The following GLCCI1 variants were observed in gnomAD, a reference collection of about 807,000 sequenced individuals.
GLCCI1 encodes the protein glucocorticoid-induced transcript 1 protein.
A neutral mutation model predicts 52.2 loss-of-function variants in GLCCI1; 24 were observed. The ratio of observed to expected loss-of-function variants is 0.46; its 90% CI spans 0.33 to 0.65. GLCCI1 has a LOEUF of 0.65. Ranked by LOEUF, GLCCI1 falls within the 30% of genes least tolerant of loss-of-function variation. GLCCI1 has a pLI of 0.02. For missense variants in GLCCI1, 704 were observed against 701.5 expected, an observed-to-expected ratio of 1.00 and a Z score of -0.04; for synonymous variants, 310 against 276.5, an observed-to-expected ratio of 1.12 and a Z score of -1.20.
At chr7:8,008,303 T>G (rs1016040054) in intron 2 of GLCCI1, among the ~76,000 whole-genome samples, 1 of 151,386 alleles carries the variant, frequency 6.6e-6, no homozygotes, top group Non-Finnish European at 1.5e-5. Flanking sequence ...TTTTTTTTTT[T>G]GAGACAGGGT....
rs531755418 is a variant in GLCCI1 at position 7,969,761 on chromosome 7, G to A, written c.411G>A (p.Arg137=). The A allele has an allele frequency of 1.0e-5, 15 of 1,482,342 alleles. No homozygotes were observed. In the South Asian group the frequency reaches 1.6e-4, roughly 16 times the overall value. 91.8% of individuals were successfully genotyped at this position (1,482,342 alleles called of 1,614,324 possible). A position where few individuals can be genotyped will look rare whatever the true frequency, so the allele number is the denominator to read the frequency against. The part of the protein sequence containing the change: ...RPRRSPESHR[R]SSSPERRSPG... ...GACGGTCCCCAGAGAGCCACCGGAG[G>A]AGCAGCTCACCTGAGAGACGGAGCC... Residue 137 remains arginine (R), a synonymous_variant, in exon 1 of 8, where the codon AGG becomes AGA. Transcript: ENST00000223145. The surrounding 1 kb of genome is among the most constrained non-coding windows in gnomAD (Gnocchi z 4.9).
rs533014581 is a variant in GLCCI1, at chr7:7,969,953, G to T, written c.457+146G>T. On this transcript the variant is annotated intron_variant, in intron 1 of 7. Transcript: ENST00000223145. The surrounding 1 kb of genome is among the most constrained non-coding windows in gnomAD (Gnocchi z 4.9). ...TTGGGAATCTCACCCCCCTGCGGTC[G>T]CTGTGGGGCTTGGAGGAGCGAACTG... 9.2e-7 allele frequency: 1 copy of T among 1,081,508 alleles called. No individual in the cohort carries two copies. The highest frequency in any genetic ancestry group is 2.8e-5 in the South Asian group (1 of 35,220). The allele number at this position is 1,081,508 out of a possible 1,614,324, so 67.0% of individuals were successfully genotyped here.
At chr7:8,074,012 G>A (rs558582031) in intron 6 of GLCCI1, among the ~76,000 whole-genome samples, 33 of 152,298 alleles carry the variant, frequency 2.2e-4, no homozygotes, top group African/African-American at 7.2e-4. Flanking sequence ...TTTTATATAT[G>A]TAACTATGCA....
At chr7:8,084,614 A>G (rs1783063954) in intron 6 of GLCCI1, 1 of 260,812 alleles carries the variant, frequency 3.8e-6, no homozygotes, top group African/African-American at 2.2e-5. Flanking sequence ...CGTAATAAAT[A>G]ACATATTTGT....
At chr7:7,980,218 A>G (rs909270155) in intron 1 of GLCCI1, 1 of 152,744 alleles carries the variant, frequency 6.5e-6, no homozygotes, top group African/African-American at 2.4e-5. Flanking sequence ...TTATAATCAG[A>G]CTTTACCTAT....
chr7:7,986,383 G>C (rs960189489), intron 1 of GLCCI1, among the ~76,000 whole-genome samples: 8 of 17,070 alleles, frequency 4.7e-4, no homozygotes, highest in Admixed American at 2.6e-3. Flanking sequence ...GCAGGGGGAG[G>C]GGGGGGTGGC....
chr7:8,048,668 C>T (rs1782189581), intron 3 of GLCCI1, among the ~76,000 whole-genome samples: 1 of 152,178 alleles, frequency 6.6e-6, no homozygotes, highest in African/African-American at 2.4e-5. Context: ...CTTGGAACCT[C>T]ATAAGGTAAC....
At chr7:8,066,649 A>G (rs1782637816) in intron 5 of GLCCI1, among the ~76,000 whole-genome samples, 1 of 151,714 alleles carries the variant, frequency 6.6e-6, no homozygotes, top group South Asian at 2.1e-4. Context: ...CGCAAATGCC[A>G]TTCAGGAGCA....
chr7:8,059,863 T>C (rs1361272190), intron 4 of GLCCI1, among the ~76,000 whole-genome samples: 1 of 152,236 alleles, frequency 6.6e-6, no homozygotes, highest in African/African-American at 2.4e-5. Context: ...TATACAGGTA[T>C]ACCTTTATAC....
intron 4 of GLCCI1, among the ~76,000 whole-genome samples, chr7:8,057,580 A>ATCTATACTATACTATACT: frequency 6.6e-6 from 1 of 152,120 alleles, no homozygotes; most frequent in South Asian, 2.1e-4. Context: ...AGAGGGTTCT[A>ATCTATACTATACTATACT]AAAGTGACTA....
chr7:8,024,801 C>G (rs986660104), intron 3 of GLCCI1: 6 of 152,196 alleles, frequency 3.9e-5, no homozygotes, highest in African/African-American at 1.4e-4. Context: ...TTCATGAAAA[C>G]TAATGAACAT....
Position 8,055,435 on chromosome 7 carries a change from G to A in GLCCI1, c.699G>A (p.Gln233=), listed in dbSNP as rs377759364. 6 of 1,608,400 alleles carry A rather than the reference G, an allele frequency of 3.7e-6. No homozygotes were observed. In the South Asian group the frequency reaches 5.5e-5, roughly 15 times the overall value. The stretch of plus-strand genomic sequence containing the variant: ...CTTCTCTTTCCCTGTCCCCAAAGCA[G>A]ATCGCCAAACTGAGGCAGCAACTAC... ...SWGSADQLKE[Q]IAKLRQQLQR... The change falls in exon 4 of 8, where the codon CAG becomes CAA. Residue 233 remains glutamine, a splice_region_variant and synonymous_variant. Coordinates refer to ENST00000223145, the MANE Select transcript of GLCCI1 (RefSeq NM_138426.4).
intron 1 of GLCCI1, chr7:7,980,462 C>T (rs1167791384): frequency 3.3e-6 from 1 of 301,508 alleles, no homozygotes; most frequent in Non-Finnish European, 6.0e-6. Context: ...AAGGTACTCG[C>T]CTGCTTTAAT....
chr7:8,033,355 C>T (rs1218765734), intron 3 of GLCCI1, among the ~76,000 whole-genome samples: 2 of 152,098 alleles, frequency 1.3e-5, no homozygotes, highest in African/African-American at 4.8e-5. Flanking sequence ...AGGATGTCCA[C>T]TGTCATCTTG....
At chr7:7,980,656 C>T (rs956076765) in intron 1 of GLCCI1, 23 of 831,098 alleles carry the variant, frequency 2.8e-5, no homozygotes, top group Non-Finnish European at 4.2e-5. Flanking sequence ...AAGAATTAAG[C>T]ACAAGAAGAA....
chr7:8,040,950 A>G (rs751491198), intron 3 of GLCCI1, among the ~76,000 whole-genome samples: 2 of 152,194 alleles, frequency 1.3e-5, no homozygotes, highest in Non-Finnish European at 2.9e-5. Context: ...TAAGTGTTCA[A>G]ATGAATGAGA....
chr7:8,081,598 A>T (rs1255899570), intron 6 of GLCCI1, among the ~76,000 whole-genome samples: 3 of 152,244 alleles, frequency 2.0e-5, no homozygotes, highest in Non-Finnish European at 2.9e-5. Flanking sequence ...TATACCAGAT[A>T]TAATAAAAAT....
chr7:8,069,080 A>G (rs1222906246), intron 5 of GLCCI1, among the ~76,000 whole-genome samples: 1 of 152,110 alleles, frequency 6.6e-6, no homozygotes, highest in Non-Finnish European at 1.5e-5. Flanking sequence ...TGCTGGCTGC[A>G]GATCTTGGCT....
intron 7 of GLCCI1, among the ~76,000 whole-genome samples, chr7:8,085,250 C>T (rs1783080169): frequency 6.6e-6 from 1 of 152,120 alleles, no homozygotes; most frequent in African/African-American, 2.4e-5. Flanking sequence ...TTCTTACTAC[C>T]TGAAAAATCT....
Sources: allele counts gnomAD v4.1 joint callset (sites outside exome capture counted in the v4.1 genomes callset), GRCh38; gene constraint gnomAD v4.1.1; non-coding constraint Gnocchi (gnomAD v3.1); transcripts MANE v1.5; gene names NCBI Gene and HGNC (gene_info 2026-07-23, HGNC 2026-07-21).